The following DBR1 variants were observed in gnomAD, a reference collection of about 807,000 sequenced individuals.
DBR1 encodes the protein lariat debranching enzyme.
DBR1 carries 33 observed loss-of-function variants against 45.9 expected under a neutral mutation model. The ratio of observed to expected loss-of-function variants is 0.72; its 90% CI spans 0.55 to 0.96. DBR1 has a LOEUF of 0.96. Among genes scored for constraint, DBR1 ranks in the 40% least tolerant of loss-of-function variants. The pLI is 0.00. For synonymous variants in DBR1, 235 were observed against 235.9 expected (o/e 1.00, Z 0.04); for missense variants, 619 against 667.4 (o/e 0.93, Z 0.80).
intron 3 of DBR1, 113 bp downstream of exon 3, chr3:138,171,508 ACTAAGACTTGAT>A: frequency 6.5e-6 from 3 of 463,724 alleles, no homozygotes; most frequent in African/African-American, 2.1e-5. Context: ...AAAGCAAAAT[ACTAAGACTTGAT>A]AAAACTATAT....
At chr3:138,172,536 A>G (rs578070827) in intron 2 of DBR1, among the ~76,000 whole-genome samples, 1 of 152,352 alleles carries the variant, frequency 6.6e-6, no homozygotes, top group African/African-American at 2.4e-5. Context: ...CGAAGGTTGC[A>G]ATGAGCTGAG....
At position 138,163,414 on chromosome 3, in the gene DBR1, C is replaced by T. The variant is rs771973492; in HGVS notation, c.876G>A (p.Thr292=). ...DIEWLTILRA[T]DDLINVTGRL... The stretch of plus-strand genomic sequence containing the variant: ...GCCCAGTCACATTAATAAGATCATC[C>T]GTAGCCCTGAGAATAGTGAGCCATT... The change falls in exon 7 of 8, where the codon ACG becomes ACA. Residue 292 remains threonine (T), a synonymous_variant. Transcript: ENST00000260803. The T allele has an allele frequency of 5.6e-6, 9 of 1,613,656 alleles. 1 individual carries two copies. The Admixed American group carries it at 1.2e-4, about 21-fold the overall frequency.
chr3:138,170,403 C>T (rs906640999), intron 3 of DBR1, among the ~76,000 whole-genome samples: 1 of 152,184 alleles, frequency 6.6e-6, no homozygotes, highest in African/African-American at 2.4e-5. Context: ...TAAGGTCCCA[C>T]ACATGGTTGC....
intron 7 of DBR1, 26 bp downstream of exon 7, chr3:138,163,323 C>T (rs771919950): frequency 1.2e-6 from 2 of 1,603,220 alleles, no homozygotes; most frequent in Non-Finnish European, 1.7e-6. Flanking sequence ...ATGGAAAAAG[C>T]AGGTCCTAAA....
At position 138,173,052 on chromosome 3, in the gene DBR1, G is replaced by A. The variant is rs375416343; in HGVS notation, c.322+450C>T. On this transcript the variant is annotated intron_variant, in intron 2 of 7. Transcript: ENST00000260803. ...GTATAAGTGAAATAATCTAACGGTT[G>A]GACTTGCTTTAAATACTCTAGTCAT... Among the ~76,000 whole-genome samples the A allele has an allele frequency of 4.0e-5, 6 of 149,406 alleles. No homozygotes were observed. The South Asian group carries it at 1.3e-3, about 32-fold the overall frequency.
rs1467060587 is a variant in DBR1 at position 138,164,010 on chromosome 3, T to C, written c.715-152A>G. 3.9e-5 allele frequency: 20 copies of C among 512,130 alleles called. No individual in the cohort carries two copies. In the South Asian group the frequency reaches 4.4e-4, roughly 11 times the overall value. The allele number at this position is 512,130 out of a possible 1,614,324, so 31.7% of individuals were successfully genotyped here. A position where few individuals can be genotyped will look rare whatever the true frequency, so the allele number is the denominator to read the frequency against. On this transcript the variant is annotated intron_variant, in intron 5 of 7. Coordinates refer to ENST00000260803, the MANE Select transcript of DBR1 (RefSeq NM_016216.4). ...TGTTACTTTTCCAAAATTAAGTTAA[T>C]TCTATACCCACTTGTGTGATAAAAG... is the stretch of plus-strand genomic sequence containing the variant.
intron 5 of DBR1, chr3:138,164,102 G>T: frequency 2.9e-6 from 1 of 339,182 alleles, no homozygotes; most frequent in Admixed American, 4.5e-5. Flanking sequence ...TAATGATGAT[G>T]ATGATGTTAA....
chr3:138,171,789 G>A, intron 2 of DBR1, 76 bp from the exon 3 acceptor site: 10 of 1,047,616 alleles, frequency 9.5e-6, no homozygotes, highest in Non-Finnish European at 1.3e-5. Context: ...ATTCCATTTA[G>A]ATGGAATTCC....
chr3:138,172,382 G>C (rs942260599), intron 2 of DBR1, among the ~76,000 whole-genome samples: 1 of 152,092 alleles, frequency 6.6e-6, no homozygotes, highest in South Asian at 2.1e-4. Flanking sequence ...TCATGAGTTC[G>C]AGACCAGCCT....
chr3:138,161,993 T>C lies in DBR1; in HGVS notation c.1531A>G (p.Lys511Glu). ...NGEDLTKVPLKRLSDEHEPEQ... is the reference protein window; with the variant it reads ...NGEDLTKVPLERLSDEHEPEQ... ...GGTTCATGTTCATCACTCAGCCTCT[T>C]CAATGGCACCTTGGTTAAGTCCTCT... is the stretch of plus-strand genomic sequence containing the variant. The change falls in exon 8 of 8, where the codon AAG becomes GAG. Residue 511 changes from lysine (K) to glutamate (E), a missense_variant. By Grantham distance (56) the Lys-to-Glu change is moderately conservative. Around this residue, in one of 3 missense-constraint regions of DBR1, gnomAD observed 182 missense variants for 196.1 expected, o/e 0.93. Transcript: ENST00000260803. 6.2e-7 allele frequency: 1 copy of C among 1,614,192 alleles called. No individual in the cohort carries two copies. The highest frequency in any genetic ancestry group is 1.3e-5 in the African/African-American group (1 of 75,058).
chr3:138,174,449 C>G (rs540828977), intron 1 of DBR1, 150 bp downstream of exon 1: 1 of 796,450 alleles, frequency 1.3e-6, no homozygotes, highest in Non-Finnish European at 2.0e-6. Flanking sequence ...CATTTCCCGC[C>G]TCCCACTACC....
intron 2 of DBR1, among the ~76,000 whole-genome samples, chr3:138,172,444 A>G (rs2042959549): frequency 1.3e-5 from 2 of 151,964 alleles, no homozygotes; most frequent in Non-Finnish European, 1.5e-5. Context: ...AAAACAAAAA[A>G]ATTAGCCGGG....
chr3:138,171,791 T>C, intron 2 of DBR1, 78 bp from the exon 3 acceptor site: 5 of 1,048,228 alleles, frequency 4.8e-6, no homozygotes, highest in South Asian at 1.3e-5. Context: ...TCCATTTAGA[T>C]GGAATTCCAC....
chr3:138,163,068 G>A (rs1347769694), intron 7 of DBR1, among the ~76,000 whole-genome samples: 1 of 152,116 alleles, frequency 6.6e-6, no homozygotes. Context: ...GACCAACCTA[G>A]GCAACATGGG....
At chr3:138,171,562 G>A in intron 3 of DBR1, 71 bp downstream of exon 3, 1 of 797,714 alleles carries the variant, frequency 1.3e-6, no homozygotes, top group Non-Finnish European at 2.0e-6. Flanking sequence ...AAGAGTCAAA[G>A]TACATATCAT....
chr3:138,171,065 G>A (rs1312581237), intron 3 of DBR1, among the ~76,000 whole-genome samples: 1 of 152,158 alleles, frequency 6.6e-6, no homozygotes, highest in Non-Finnish European at 1.5e-5. Flanking sequence ...CACAGTGACT[G>A]CCTGGCAAAG....
intron 5 of DBR1, among the ~76,000 whole-genome samples, chr3:138,165,600 G>C (rs2107902998): frequency 6.6e-6 from 1 of 152,174 alleles, no homozygotes; most frequent in South Asian, 2.1e-4. Context: ...GTGGTGGCGG[G>C]CGCCTGTAGT....
At chr3:138,163,701 T>G (rs1300276399) in intron 6 of DBR1, 77 bp downstream of exon 6, 1 of 1,121,656 alleles carries the variant, frequency 8.9e-7, no homozygotes, top group Non-Finnish European at 1.2e-6. Flanking sequence ...AACAAAAAAA[T>G]TCCGAAAGGA....
chr3:138,165,659 G>A (rs1474458298), intron 5 of DBR1, among the ~76,000 whole-genome samples: 3 of 152,014 alleles, frequency 2.0e-5, no homozygotes, highest in Non-Finnish European at 2.9e-5. Context: ...AACCCGGAAG[G>A]TGGAGCTTGC....
Sources: allele counts gnomAD v4.1 joint callset (sites outside exome capture counted in the v4.1 genomes callset), GRCh38; gene constraint gnomAD v4.1.1; regional missense constraint gnomAD v4.1.1; transcripts MANE v1.5; gene names NCBI Gene and HGNC (gene_info 2026-07-23, HGNC 2026-07-21).